KLF8: variants seen among roughly 807,000 people sequenced by gnomAD.
KLF8 encodes Krueppel-like factor 8.
In KLF8, 10 loss-of-function variants were observed where a neutral mutation model predicts 18.2. The ratio of observed to expected loss-of-function variants is 0.55; its 90% CI spans 0.34 to 0.93. The LOEUF is 0.93. Ranked by LOEUF, KLF8 falls within the 40% of genes least tolerant of loss-of-function variation. The probability of loss-of-function intolerance (pLI) is 0.02; values close to 1 mark genes in which losing one functional copy is unlikely to be tolerated. For synonymous variants in KLF8, 109 were observed against 97.3 expected (o/e 1.12, Z -0.71); for missense variants, 264 against 277.9 (o/e 0.95, Z 0.36).
chrX:56,048,328 A>G, the KLF8 span, among the ~76,000 whole-genome samples: 1 of 112,050 alleles, frequency 8.9e-6, no homozygotes, highest in Non-Finnish European at 1.9e-5. Context: ...TGTTTTAGAC[A>G]TGAAGCCCTT....
At chrX:56,185,305 G>T in the KLF8 span, among the ~76,000 whole-genome samples, 1 of 111,846 alleles carries the variant, frequency 8.9e-6, no homozygotes, top group African/African-American at 3.3e-5. Flanking sequence ...GAAATGAAGT[G>T]AAAAGGGAAG....
At chrX:56,028,153 T>C in the KLF8 span, among the ~76,000 whole-genome samples, 1 of 112,042 alleles carries the variant, frequency 8.9e-6, no homozygotes, top group East Asian at 2.8e-4. Context: ...ACATAGAGTG[T>C]GAAGGGCTTG....
In KLF8 at chrX:56,264,634, ATCTT is replaced by A. The variant is rs1356754196; in HGVS notation, c.82-541_82-538del. Among the ~76,000 whole-genome samples, 3 of 111,086 alleles carry A rather than the reference ATCTT, an allele frequency of 2.7e-5. No homozygotes were observed. In the Admixed American group the frequency reaches 2.9e-4, roughly 11 times the overall value. ...TTGTTATGGCTCTATAGACAGGAAT[ATCTT>A]TCTTATCTCTTATCTGCCTAGAAAA... On this transcript the variant is annotated intron_variant, in intron 2 of 5. Transcript: ENST00000468660.
chrX:56,258,011 A>G (rs2066822583), intron 2 of KLF8, among the ~76,000 whole-genome samples: 1 of 112,057 alleles, frequency 8.9e-6, no homozygotes, highest in Admixed American at 9.4e-5. Context: ...GCATATGCAT[A>G]TGGATGAGAA....
At chrX:56,245,300 G>C (rs1056707602) in intron 1 of KLF8, among the ~76,000 whole-genome samples, 2 of 111,449 alleles carry the variant, frequency 1.8e-5, no homozygotes, top group Non-Finnish European at 3.8e-5. Flanking sequence ...TCCCTTTCAG[G>C]GTTGGCCAAA....
chrX:56,172,006 C>T, the KLF8 span, among the ~76,000 whole-genome samples: 2 of 111,605 alleles, frequency 1.8e-5, no homozygotes, highest in Non-Finnish European at 3.8e-5. Flanking sequence ...AAAAGCATTC[C>T]TATTTCTCCA....
the KLF8 span, among the ~76,000 whole-genome samples, chrX:56,047,225 T>A: frequency 9.7e-6 from 1 of 102,697 alleles, no homozygotes; most frequent in Non-Finnish European, 2.0e-5. Flanking sequence ...TGTTTTTTTT[T>A]ATTTATGCTA....
the KLF8 span, among the ~76,000 whole-genome samples, chrX:56,035,046 C>T: frequency 1.7e-4 from 19 of 111,571 alleles, no homozygotes; most frequent in African/African-American, 5.2e-4. Flanking sequence ...TGAGCCACAG[C>T]GCCCGGCCGA....
At chrX:55,925,452 G>T in the KLF8 span, among the ~76,000 whole-genome samples, 14,991 of 110,181 alleles carry the variant, frequency 0.14, 1,932 homozygotes, top group African/African-American at 0.41. Flanking sequence ...TCTTAACTAG[G>T]AGCAGCAGCA....
At chrX:56,142,502 A>G in the KLF8 span, among the ~76,000 whole-genome samples, 13,871 of 110,666 alleles carry the variant, frequency 0.13, 1,598 homozygotes, top group African/African-American at 0.37. Context: ...CGCTTTTTAG[A>G]TACTATCCTC....
the KLF8 span, among the ~76,000 whole-genome samples, chrX:56,049,141 G>A: frequency 8.9e-6 from 1 of 111,769 alleles, no homozygotes; most frequent in African/African-American, 3.3e-5. Flanking sequence ...TGCTGAAGTT[G>A]CTTATCAGCT....
At chrX:56,216,488 G>C in the KLF8 span, among the ~76,000 whole-genome samples, 1 of 108,358 alleles carries the variant, frequency 9.2e-6, no homozygotes, top group Non-Finnish European at 1.9e-5. Context: ...TTTTCCAGTA[G>C]AGCATACCAC....
the KLF8 span, among the ~76,000 whole-genome samples, chrX:55,991,389 G>A: frequency 8.9e-6 from 1 of 111,912 alleles, no homozygotes; most frequent in Non-Finnish European, 1.9e-5. Flanking sequence ...CTCGTTTCCA[G>A]TTGCCATCTG....
chrX:56,280,814 C>T (rs1375085365), intron 5 of KLF8, among the ~76,000 whole-genome samples: 2 of 112,068 alleles, frequency 1.8e-5, no homozygotes, highest in African/African-American at 6.5e-5. Flanking sequence ...ATTCCAATCT[C>T]GCTGTCACCT....
chrX:56,179,270 AC>A, the KLF8 span, among the ~76,000 whole-genome samples: 4 of 111,486 alleles, frequency 3.6e-5, no homozygotes, highest in African/African-American at 1.3e-4. Context: ...ATTGGAGTTC[AC>A]TCATGATTTA....
chrX:56,058,365 G>C, the KLF8 span, among the ~76,000 whole-genome samples: 2 of 80,470 alleles, frequency 2.5e-5, no homozygotes, highest in South Asian at 1.5e-3. Context: ...TATACTTTAA[G>C]TTCTGGGATA....
the KLF8 span, among the ~76,000 whole-genome samples, chrX:55,994,466 G>C: frequency 2.1e-4 from 22 of 106,852 alleles, no homozygotes; most frequent in African/African-American, 7.5e-4. Flanking sequence ...TTTCCTGCTA[G>C]CTTTGGGGTT....
At chrX:56,095,516 C>A in the KLF8 span, among the ~76,000 whole-genome samples, 1 of 111,646 alleles carries the variant, frequency 9.0e-6, no homozygotes, top group Non-Finnish European at 1.9e-5. Flanking sequence ...AGTAAACAGA[C>A]AACCTACAGA....
the KLF8 span, chrX:55,908,350 C>T: frequency 4.0e-4 from 114 of 285,887 alleles, no homozygotes; most frequent in Non-Finnish European, 4.8e-4. Context: ...CTAAGTGGGA[C>T]GAACAACCAA....
Sources: allele counts gnomAD v4.1 joint callset (sites outside exome capture counted in the v4.1 genomes callset), GRCh38; gene constraint gnomAD v4.1.1; transcripts MANE v1.5; gene names NCBI Gene and HGNC (gene_info 2026-07-23, HGNC 2026-07-21).